The following NRAP variants were observed in gnomAD, a reference collection of about 807,000 sequenced individuals.
NRAP encodes the protein nebulin related anchoring protein, also known as nebulin-related-anchoring protein.
NRAP carries 189 observed loss-of-function variants against 225.9 expected under a neutral mutation model. That is an observed-to-expected ratio of 0.84 (90% CI 0.74 to 0.94). The LOEUF (loss-of-function observed/expected upper bound fraction) is 0.94. Ranked by LOEUF, NRAP falls within the 40% of genes least tolerant of loss-of-function variation. The pLI is 0.00. For missense variants in NRAP, 2,176 were observed against 2,168.7 expected, an observed-to-expected ratio of 1.00 and a Z score of -0.07; for synonymous variants, 769 against 790.7, an observed-to-expected ratio of 0.97 and a Z score of 0.46.
Position 113,637,320 on chromosome 10 carries a change from T to C in NRAP, c.1428+2907A>G, listed in dbSNP as rs546307216. ...CTGAGGCACAGAGACCGAAAGTGGC[T>C]TGCTCCAGGTCATCCAGGCAGTAAG... On this transcript the variant is annotated intron_variant, in intron 14 of 41. Coordinates refer to ENST00000359988, the MANE Select transcript of NRAP (RefSeq NM_198060.4). 2.1e-4 allele frequency among the ~76,000 whole-genome samples: 32 copies of C among 152,318 alleles called. No individual in the cohort carries two copies. The South Asian group carries it at 6.6e-3, about 32-fold the overall frequency.
intron 35 of NRAP, among the ~76,000 whole-genome samples, chr10:113,603,245 C>A (rs1846717747): frequency 6.6e-6 from 1 of 152,138 alleles, no homozygotes; most frequent in Non-Finnish European, 1.5e-5. Flanking sequence ...GTCACCCAGC[C>A]AGTAGTGGGG....
At chr10:113,589,912 C>CT in intron 40 of NRAP, 115 bp from the exon 41 acceptor site, 1 of 1,190,606 alleles carries the variant, frequency 8.4e-7, no homozygotes, top group Non-Finnish European at 1.2e-6. Flanking sequence ...TGTCTGTCAT[C>CT]AGTAAAGCCA....
intron 20 of NRAP, 49 bp from the exon 21 acceptor site, chr10:113,626,194 T>C: frequency 1.6e-6 from 2 of 1,258,112 alleles, no homozygotes; most frequent in South Asian, 1.4e-5. Flanking sequence ...GGGTTGCCCC[T>C]ACCACCCTAC....
chr10:113,617,427 G>T, intron 26 of NRAP, 28 bp downstream of exon 26: 1 of 1,301,434 alleles, frequency 7.7e-7, no homozygotes, highest in Non-Finnish European at 1.1e-6. Context: ...CACTCTTAGA[G>T]TCATAATGTA....
Position 113,631,518 on chromosome 10 carries a change from C to T in NRAP, c.1833G>A (p.Met611Ile), listed in dbSNP as rs776090682. ...RLLHSLQIAK[M>I]SSEVEYKKGF... ...TTAGAAAAGAGTTTACCTCACTGCTCATCTTAGCAATCTGCAGGGAGTGCA... is the reference window on the plus strand; with the variant it reads ...TTAGAAAAGAGTTTACCTCACTGCTTATCTTAGCAATCTGCAGGGAGTGCA... Residue 611 changes from methionine to isoleucine, a missense_variant, in exon 18 of 42, where the codon ATG (methionine) becomes ATA (isoleucine). By Grantham distance (10) the Met-to-Ile change is conservative. Transcript: ENST00000359988. 19 of 1,601,848 alleles carry T rather than the reference C, an allele frequency of 1.2e-5. No individual in the cohort carries two copies. The African/African-American group carries it at 2.0e-4, about 17-fold the overall frequency.
chr10:113,589,879 G>C (rs766438314), intron 40 of NRAP, 82 bp from the exon 41 acceptor site: 8 of 1,481,302 alleles, frequency 5.4e-6, no homozygotes, highest in African/African-American at 1.4e-5. Flanking sequence ...GATTAAAAAG[G>C]CAGCCACAGT....
intron 38 of NRAP, among the ~76,000 whole-genome samples, chr10:113,594,342 C>T (rs1474856054): frequency 6.6e-6 from 1 of 152,214 alleles, no homozygotes; most frequent in Non-Finnish European, 1.5e-5. Flanking sequence ...TATCCGCATA[C>T]CCTGGTGGCT....
Position 113,621,924 on chromosome 10 carries a change from A to G in NRAP, c.2714T>C (p.Leu905Ser). The stretch of plus-strand genomic sequence containing the variant: ...CCATTCCACCTTCATGTCTGTGGGC[A>G]AAGCCGTAAAGTGATGTTCCGCTGT... ...YKTAEHHFTA[L>S]PTDMKVEWAK... Residue 905 changes from leucine to serine, a missense_variant, in exon 24 of 42, where the codon TTG (leucine) becomes TCG (serine). This residue lies in a region of NRAP where 1,708 missense variants were observed against 1,695.5 expected (regional missense o/e 1.01). Coordinates refer to ENST00000359988, the MANE Select transcript of NRAP (RefSeq NM_198060.4). 1 of 1,614,074 alleles carries G rather than the reference A, an allele frequency of 6.2e-7. No individual in the cohort carries two copies.
chr10:113,608,703 T>C (rs372084876), intron 31 of NRAP, among the ~76,000 whole-genome samples, 191 bp from the exon 32 acceptor site: 29 of 152,204 alleles, frequency 1.9e-4, no homozygotes, highest in African/African-American at 6.3e-4. Context: ...GAGAGGAGGA[T>C]AGGATGGACT....
At chr10:113,597,743 G>T (rs948092301) in intron 36 of NRAP, among the ~76,000 whole-genome samples, 8 of 152,194 alleles carry the variant, frequency 5.3e-5, no homozygotes, top group Non-Finnish European at 1.0e-4. Context: ...AAATGTATTT[G>T]TTGAGAACTT....
rs765855974 is a variant in NRAP, at chr10:113,597,221, T to A, written c.4333-37A>T. On this transcript the variant is annotated intron_variant, in intron 36 of 41. Transcript: ENST00000359988. ...AGACAAAGATTCTCATGAAACACAG[T>A]CCAACATCATGCATCTTTCAGGGTG... 3 of 1,274,438 alleles carry A rather than the reference T, an allele frequency of 2.4e-6. No homozygotes were observed. The South Asian group carries it at 3.6e-5, about 15-fold the overall frequency. The allele number at this position is 1,274,438 out of a possible 1,614,324, so 78.9% of individuals were successfully genotyped here.
chr10:113,589,085 G>A lies in NRAP; in HGVS notation c.5089-6C>T. ...TCCACTGCTTCTGCCCCCCGCTGCT[G>A]AAATCAAACATACCCCAAGTTAAAA... On this transcript the variant is annotated splice_polypyrimidine_tract_variant and splice_region_variant and intron_variant, in intron 41 of 41. Coordinates refer to ENST00000359988, the MANE Select transcript of NRAP (RefSeq NM_198060.4). The A allele has an allele frequency of 6.2e-6, 10 of 1,612,190 alleles. No individual in the cohort carries two copies. Among genetic ancestry groups the A allele is most frequent in the Non-Finnish European group, 7.6e-6 (9 of 1,178,712 alleles).
In NRAP at chr10:113,598,060, G is replaced by A; in HGVS notation, c.4241C>T (p.Ser1414Leu). The change falls in exon 36 of 42, where the codon TCA (serine) becomes TTA (leucine). Residue 1414 changes from serine to leucine, a missense_variant. Around this residue, in one of 3 missense-constraint regions of NRAP, gnomAD observed 445 missense variants for 426.1 expected, o/e 1.04. Transcript: ENST00000359988. ...HALQSELRYKSDLIGMKGIGW... is the reference protein window; with the variant it reads ...HALQSELRYKLDLIGMKGIGW... ...TATGCCCTTCATGCCGATCAGGTCT[G>A]ACTTGTAGCGCAACTGCAGGGAAAA... 1 of 1,612,816 alleles carries A rather than the reference G, an allele frequency of 6.2e-7. No homozygotes were observed. The highest frequency in any genetic ancestry group is 1.1e-5 in the South Asian group (1 of 91,010).
rs534843713 is a variant in NRAP at position 113,617,299 on chromosome 10, A to G, written c.2973+156T>C. ...CACCCCCATTTGCATCCTAATGAGG[A>G]AGCACCCCCCGCTAAGGGAGCCTCT... is the stretch of plus-strand genomic sequence containing the variant. On this transcript the variant is annotated intron_variant, in intron 26 of 41. Transcript: ENST00000359988. 2.0e-5 allele frequency among the ~76,000 whole-genome samples: 3 copies of G among 152,192 alleles called. No homozygotes were observed. In the South Asian group the frequency reaches 6.2e-4, roughly 32 times the overall value.
chr10:113,607,436 A>G (rs1847058981), intron 32 of NRAP, among the ~76,000 whole-genome samples: 1 of 134,066 alleles, frequency 7.5e-6, no homozygotes, highest in Non-Finnish European at 1.6e-5. Flanking sequence ...AAAAAAAAAA[A>G]GAAAAGAAAG....
At chr10:113,589,136 G>T in intron 41 of NRAP, 57 bp from the exon 42 acceptor site, 1 of 1,449,042 alleles carries the variant, frequency 6.9e-7, no homozygotes. Context: ...CCCACTCCCG[G>T]CCCCGGTTCC....
Position 113,590,893 on chromosome 10 carries a change from C to CAAG in NRAP, c.4645-7_4645-5dup, listed in dbSNP as rs773323433. ...GGAAAGCCTCTTTGTACCGGAACTG[C>CAAG]AAGTCAGAGGAGCAGAGGCAGATCA... is the stretch of plus-strand genomic sequence containing the variant. On this transcript the variant is annotated splice_polypyrimidine_tract_variant and splice_region_variant and intron_variant, in intron 39 of 41. Coordinates refer to ENST00000359988, the MANE Select transcript of NRAP (RefSeq NM_198060.4). 1.9e-6 allele frequency: 3 copies of CAAG among 1,612,646 alleles called. No individual in the cohort carries two copies. The highest frequency in any genetic ancestry group is 2.2e-5 in the South Asian group (2 of 91,018).
At chr10:113,656,022 G>A (rs908558681) in intron 4 of NRAP, among the ~76,000 whole-genome samples, 2 of 152,252 alleles carry the variant, frequency 1.3e-5, no homozygotes, top group African/African-American at 2.4e-5. Context: ...AGGCCATGAT[G>A]GAAAGGGGGA....
chr10:113,651,376 G>A (rs930466987), intron 7 of NRAP, among the ~76,000 whole-genome samples: 2 of 152,066 alleles, frequency 1.3e-5, no homozygotes, highest in Non-Finnish European at 2.9e-5. Context: ...TGTGCAGGAC[G>A]TGCAGGTTTG....
Sources: allele counts gnomAD v4.1 joint callset (sites outside exome capture counted in the v4.1 genomes callset), GRCh38; gene constraint gnomAD v4.1.1; regional missense constraint gnomAD v4.1.1; transcripts MANE v1.5; gene names NCBI Gene and HGNC (gene_info 2026-07-23, HGNC 2026-07-21).